The following ANHX variants were observed in gnomAD, a reference collection of about 807,000 sequenced individuals.
ANHX encodes the protein anomalous homeobox protein.
A neutral mutation model predicts 38.9 loss-of-function variants in ANHX; 20 were observed. That is an observed-to-expected ratio of 0.51 (90% confidence interval 0.36 to 0.75). The LOEUF (loss-of-function observed/expected upper bound fraction) is 0.75, where lower values mean the gene tolerates loss of function less well. Among genes scored for constraint, ANHX ranks in the 30% least tolerant of loss-of-function variants. ANHX has a pLI of 0.00. For missense variants in ANHX, 475 were observed against 493.1 expected (o/e 0.96, Z 0.35); for synonymous variants, 185 against 203.1 (o/e 0.91, Z 0.76).
chr12:133,219,043 C>T (rs1045758683), intron 9 of ANHX, 72 bp from the exon 10 acceptor site: 4 of 1,373,480 alleles, frequency 2.9e-6, no homozygotes, highest in African/African-American at 2.9e-5. Flanking sequence ...CACCTGGGCA[C>T]CTCCTGACCT....
intron 7 of ANHX, among the ~76,000 whole-genome samples, 84 bp downstream of exon 7, chr12:133,225,452 C>G (rs1316495798): frequency 6.6e-6 from 1 of 152,240 alleles, no homozygotes; most frequent in African/African-American, 2.4e-5. Context: ...TGTGGCCCTA[C>G]CCACACTTCT....
At chr12:133,222,200 T>C (rs1472268942) in intron 7 of ANHX, among the ~76,000 whole-genome samples, 3 of 152,248 alleles carry the variant, frequency 2.0e-5, no homozygotes, top group African/African-American at 7.2e-5. Context: ...AGCACTAGTT[T>C]GGACATTCTA....
rs1027945796 is a variant in ANHX, at chr12:133,221,589, T to G, written c.1133-237A>C. 2.6e-5 allele frequency among the ~76,000 whole-genome samples: 4 copies of G among 152,188 alleles called. No homozygotes were observed. Among genetic ancestry groups the G allele is most frequent in the African/African-American group, 9.7e-5 (4 of 41,444 alleles). On this transcript the variant is annotated intron_variant, in intron 7 of 9. Transcript: ENST00000545940. The surrounding 1 kb of genome is among the most constrained non-coding windows in gnomAD (Gnocchi z 4.1). ...CCAGAGACCAAGACACGGTTGCTTC[T>G]GCTGACTTTAAATGCTGCTGTCATC...
intron 3 of ANHX, among the ~76,000 whole-genome samples, chr12:133,228,583 C>G (rs990599229): frequency 1.3e-5 from 2 of 152,146 alleles, no homozygotes; most frequent in African/African-American, 4.8e-5. Flanking sequence ...TGATCTGGCT[C>G]TCATTTCACC....
intron 1 of ANHX, 131 bp from the exon 2 acceptor site, chr12:133,234,509 A>G: frequency 1.9e-6 from 2 of 1,032,390 alleles, no homozygotes; most frequent in South Asian, 3.3e-5. Context: ...AGTAGGAATA[A>G]GACCTCACAC....
At chr12:133,227,786 C>G (rs1461303604) in intron 4 of ANHX, 38 bp downstream of exon 4, 1 of 1,533,652 alleles carries the variant, frequency 6.5e-7, no homozygotes, top group Non-Finnish European at 8.7e-7. Context: ...AGGCACCAGG[C>G]AGGGACCCCC....
At chr12:133,228,700 G>A (rs566559781) in intron 3 of ANHX, among the ~76,000 whole-genome samples, 1 of 152,312 alleles carries the variant, frequency 6.6e-6, no homozygotes, top group African/African-American at 2.4e-5. Flanking sequence ...GGCTCCAGCC[G>A]TGGCACCTGC....
intron 7 of ANHX, among the ~76,000 whole-genome samples, chr12:133,223,231 C>T (rs533920515): frequency 6.6e-6 from 1 of 151,422 alleles, no homozygotes; most frequent in Non-Finnish European, 1.5e-5. Flanking sequence ...AGCAAAAAAT[C>T]AGAAGACAGA....
Position 133,221,413 on chromosome 12 carries a change from C to T in ANHX, c.1133-61G>A, listed in dbSNP as rs1472641631. On this transcript the variant is annotated intron_variant, in intron 7 of 9. Transcript: ENST00000545940. The surrounding 1 kb of genome is among the most constrained non-coding windows in gnomAD (Gnocchi z 4.1). ...AGAAAGGAGCAGAGCCCACGTGTGA[C>T]ACAACCAAGACCTCAAAGCACGGAG... 1 of 1,488,792 alleles carries T rather than the reference C, an allele frequency of 6.7e-7. No individual in the cohort carries two copies. The highest frequency in any genetic ancestry group is 1.4e-5 in the African/African-American group (1 of 71,826). The allele number at this position is 1,488,792 out of a possible 1,614,324, so 92.2% of individuals were successfully genotyped here. A position where few individuals can be genotyped will look rare whatever the true frequency, so the allele number is the denominator to read the frequency against.
At chr12:133,222,916 C>T (rs758623149) in intron 7 of ANHX, among the ~76,000 whole-genome samples, 7 of 152,168 alleles carry the variant, frequency 4.6e-5, no homozygotes, top group Non-Finnish European at 1.0e-4. Flanking sequence ...GTTGGCCGGG[C>T]GCAGTGGCTC....
chr12:133,231,382 A>T, intron 3 of ANHX, 135 bp downstream of exon 3: 1 of 1,248,802 alleles, frequency 8.0e-7, no homozygotes, highest in Non-Finnish European at 1.1e-6. Flanking sequence ...CACTGTGACT[A>T]TTACTGCTCC....
chr12:133,230,819 ACT>A (rs947470834), intron 3 of ANHX, among the ~76,000 whole-genome samples: 9 of 151,234 alleles, frequency 6.0e-5, no homozygotes, highest in African/African-American at 2.2e-4. Context: ...TGGCTTTGCA[ACT>A]CTCTCTCGTG....
rs1363729490 is a variant in ANHX, at chr12:133,227,007, C to A, written c.647G>T (p.Gly216Val). 5 of 1,535,388 alleles carry A rather than the reference C, an allele frequency of 3.3e-6. No homozygotes were observed. The highest frequency in any genetic ancestry group is 2.4e-5 in the South Asian group (2 of 84,018). Residue 216 changes from glycine (G) to valine (V), a missense_variant, in exon 5 of 10, where the codon GGT becomes GTT. By Grantham distance (109) the Gly-to-Val change is moderately radical. Transcript: ENST00000545940. The part of the protein sequence containing the change: ...TAEDPGARER[G>V]PDLLQPSGNP... Reference sequence around the variant, plus strand: ...GCCTGAGGGCTGCAGGAGGTCAGGACCCCTCTCCCTCGCACCAGGGTCTTC... The same window carrying A: ...GCCTGAGGGCTGCAGGAGGTCAGGAACCCTCTCCCTCGCACCAGGGTCTTC...
rs1168389681 is a variant in ANHX at position 133,218,948 on chromosome 12, G to A, written c.1389C>T (p.Ala463=). 1.3e-6 allele frequency: 2 copies of A among 1,534,456 alleles called. No homozygotes were observed. The highest frequency in any genetic ancestry group is 1.7e-6 in the Non-Finnish European group (2 of 1,145,794). ...TGGCTCCCCAGAAGGCATCACCAGA[G>A]GCCTGGCTATCAGAACACTGCACCT... ...SSQVQCSDSQ[A]SGDAFWGARM... Residue 463 remains alanine (A), a synonymous_variant, in exon 10 of 10, where the codon GCC becomes GCT. Coordinates refer to ENST00000545940, the MANE Select transcript of ANHX (RefSeq NM_001372060.1).
At chr12:133,225,104 T>A (rs1488257734) in intron 7 of ANHX, among the ~76,000 whole-genome samples, 1 of 152,174 alleles carries the variant, frequency 6.6e-6, no homozygotes, top group Non-Finnish European at 1.5e-5. Context: ...ACATACTCTT[T>A]AAATGATTTT....
intron 5 of ANHX, 72 bp from the exon 6 acceptor site, chr12:133,226,510 G>A (rs1301321497): frequency 4.1e-6 from 6 of 1,471,900 alleles, no homozygotes; most frequent in Non-Finnish European, 5.4e-6. Flanking sequence ...TCAGGTATGA[G>A]CAGCCCTGCT....
At chr12:133,224,486 A>C (rs1957156074) in intron 7 of ANHX, among the ~76,000 whole-genome samples, 1 of 150,436 alleles carries the variant, frequency 6.6e-6, no homozygotes, top group South Asian at 2.1e-4. Context: ...ACATGGTGAA[A>C]TGCTGTCTCT....
At chr12:133,224,687 T>C (rs1383707457) in intron 7 of ANHX, among the ~76,000 whole-genome samples, 12 of 124,390 alleles carry the variant, frequency 9.6e-5, no homozygotes, top group East Asian at 2.5e-4. Flanking sequence ...AAAAAAATGC[T>C]GGGCGTGGTG....
In ANHX at chr12:133,234,203, G is replaced by T. The variant is rs190604948; in HGVS notation, c.154C>A (p.Arg52Ser). ...LVTAILDSQL[R>S]LHLLDNADVA... ...TCTGCGTTGTCCAGGAGATGCAGGC[G>T]GAGCTGGCTGTCCAGAATGGCTGTG... is the stretch of plus-strand genomic sequence containing the variant. Residue 52 changes from arginine to serine, a missense_variant, in exon 2 of 10, where the codon CGC (arginine) becomes AGC (serine). Arg to Ser is a moderately radical substitution (Grantham distance 110). Coordinates refer to ENST00000545940, the MANE Select transcript of ANHX (RefSeq NM_001372060.1). The T allele has an allele frequency of 4.6e-6, 7 of 1,536,174 alleles. No individual in the cohort carries two copies. In the African/African-American group the frequency reaches 9.6e-5, roughly 21 times the overall value.
Sources: allele counts gnomAD v4.1 joint callset (sites outside exome capture counted in the v4.1 genomes callset), GRCh38; gene constraint gnomAD v4.1.1; non-coding constraint Gnocchi (gnomAD v3.1); transcripts MANE v1.5; gene names NCBI Gene and HGNC (gene_info 2026-07-23, HGNC 2026-07-21).